Variants in SIMC1 observed in about 807,000 individuals in gnomAD.
The protein encoded by SIMC1 is SUMO-interacting motif-containing protein 1.
A neutral mutation model predicts 82.3 loss-of-function variants in SIMC1; 55 were observed. The ratio of observed to expected loss-of-function variants is 0.67; its 90% CI spans 0.54 to 0.84. The LOEUF (loss-of-function observed/expected upper bound fraction) is 0.84. SIMC1 is among the 40% of genes least tolerant of loss of function. The pLI is 0.00. For synonymous variants in SIMC1, 353 were observed against 426.3 expected (o/e 0.83, Z 2.12); for missense variants, 915 against 1,107.2 (o/e 0.83, Z 2.46).
intron 1 of SIMC1, among the ~76,000 whole-genome samples, chr5:176,284,081 C>T (rs1763146231): frequency 6.6e-6 from 1 of 152,156 alleles, no homozygotes; most frequent in Non-Finnish European, 1.5e-5. Flanking sequence ...TAATGGGAGA[C>T]TTTAACACCC....
At chr5:176,327,081 A>G (rs1209828510) in intron 7 of SIMC1, among the ~76,000 whole-genome samples, 1 of 152,168 alleles carries the variant, frequency 6.6e-6, no homozygotes, top group African/African-American at 2.4e-5. Flanking sequence ...GGAGTATTTC[A>G]TTTGGGTCCA....
chr5:176,246,703 G>T (rs1229945573), intron 1 of SIMC1, among the ~76,000 whole-genome samples: 1 of 151,906 alleles, frequency 6.6e-6, no homozygotes, highest in African/African-American at 2.4e-5. Flanking sequence ...GGTGGCTGCT[G>T]CACTTATCAA....
intron 5 of SIMC1, 132 bp from the exon 6 acceptor site, chr5:176,322,141 T>TG: frequency 2.0e-6 from 2 of 1,023,194 alleles, no homozygotes; most frequent in Non-Finnish European, 1.4e-6. Flanking sequence ...TCCAGGGATC[T>TG]GGGGGCCCAG....
chr5:176,291,159 CTTTTTTTTTTT>C (rs1173030195), intron 2 of SIMC1, among the ~76,000 whole-genome samples: 2 of 88,500 alleles, frequency 2.3e-5, no homozygotes, highest in African/African-American at 4.6e-5. Context: ...TGTCACTTTA[CTTTTTTTTTTT>C]TTTTTTTTTT....
chr5:176,272,198 A>AAAAAGG (rs1762471342), intron 1 of SIMC1, among the ~76,000 whole-genome samples: 1 of 116,860 alleles, frequency 8.6e-6, no homozygotes, highest in African/African-American at 3.0e-5. Flanking sequence ...AAAAAAAAAA[A>AAAAAGG]GGTGGGCATG....
intron 1 of SIMC1, among the ~76,000 whole-genome samples, chr5:176,258,032 T>TA (rs746245618): frequency 6.6e-6 from 1 of 152,256 alleles, no homozygotes; most frequent in Non-Finnish European, 1.5e-5. Flanking sequence ...TTAATGTCTT[T>TA]ACAATATTGT....
intron 5 of SIMC1, among the ~76,000 whole-genome samples, chr5:176,318,225 G>A (rs771192293): frequency 9.2e-5 from 14 of 152,296 alleles, no homozygotes; most frequent in Non-Finnish European, 1.6e-4. Context: ...CATCTGCCAC[G>A]CAGAAAAAGC....
chr5:176,300,289 G>A (rs1763986246), intron 4 of SIMC1, among the ~76,000 whole-genome samples: 1 of 152,060 alleles, frequency 6.6e-6, no homozygotes. Flanking sequence ...GGGAAAAAAT[G>A]AACAAAACTA....
At chr5:176,311,746 G>A (rs1373731034) in intron 4 of SIMC1, among the ~76,000 whole-genome samples, 1 of 152,164 alleles carries the variant, frequency 6.6e-6, no homozygotes, top group African/African-American at 2.4e-5. Flanking sequence ...ACTAAAAGTA[G>A]TTAGTAAACG....
intron 1 of SIMC1, among the ~76,000 whole-genome samples, chr5:176,253,001 G>A (rs536680596): frequency 2.0e-5 from 3 of 152,268 alleles, no homozygotes; most frequent in South Asian, 2.1e-4. Flanking sequence ...CCAGTCAGGC[G>A]TGGCGCGCGC....
intron 1 of SIMC1, among the ~76,000 whole-genome samples, chr5:176,280,991 G>A (rs1226270275): frequency 6.6e-6 from 1 of 152,166 alleles, no homozygotes; most frequent in Non-Finnish European, 1.5e-5. Context: ...TTGCTAGATT[G>A]GGGAAGTTCT....
chr5:176,304,093 G>A (rs2113306653), intron 4 of SIMC1, among the ~76,000 whole-genome samples: 1 of 152,278 alleles, frequency 6.6e-6, no homozygotes, highest in South Asian at 2.1e-4. Flanking sequence ...CATCAACAGA[G>A]TGAGCAATAA....
rs866779948 is a variant in SIMC1 at position 176,251,988 on chromosome 5, C to T, written c.129+13351C>T. 2.6e-3 allele frequency among the ~76,000 whole-genome samples: 388 copies of T among 151,682 alleles called. 4 individuals are homozygous for T. Among genetic ancestry groups the T allele is most frequent in the African/African-American group, 8.4e-3 (347 of 41,332 alleles). ...AGTTTCCCATGTCTACTTCTTTCTA[C>T]ACAGACACGGCAACCATCCGATTTC... is the stretch of plus-strand genomic sequence containing the variant. On this transcript the variant is annotated intron_variant, in intron 1 of 9. Coordinates refer to ENST00000429602, the MANE Select transcript of SIMC1 (RefSeq NM_001308195.2).
chr5:176,276,650 A>T (rs1461425883), intron 1 of SIMC1, among the ~76,000 whole-genome samples: 2 of 132,198 alleles, frequency 1.5e-5, no homozygotes, highest in African/African-American at 5.7e-5. Flanking sequence ...TTCTGTGTCC[A>T]TGTGATCTCA....
At chr5:176,274,759 G>C (rs1762607400) in intron 1 of SIMC1, among the ~76,000 whole-genome samples, 1 of 151,824 alleles carries the variant, frequency 6.6e-6, no homozygotes, top group Admixed American at 6.6e-5. Flanking sequence ...TTATTAACTA[G>C]GGAATCCTTT....
At chr5:176,313,577 G>C in intron 4 of SIMC1, 114 bp from the exon 5 acceptor site, 1 of 1,556,860 alleles carries the variant, frequency 6.4e-7, no homozygotes, top group Non-Finnish European at 8.8e-7. Flanking sequence ...TTAAGCACAG[G>C]CATACTTGTT....
chr5:176,315,332 A>G (rs958530651), intron 5 of SIMC1, among the ~76,000 whole-genome samples: 1 of 152,108 alleles, frequency 6.6e-6, no homozygotes, highest in Admixed American at 6.5e-5. Context: ...ATAGAGTGAG[A>G]ACTCACTCGT....
intron 5 of SIMC1, among the ~76,000 whole-genome samples, chr5:176,319,045 G>A (rs1042740777): frequency 6.6e-6 from 1 of 152,178 alleles, no homozygotes; most frequent in African/African-American, 2.4e-5. Context: ...GGTGGCAGAG[G>A]TTGCACTGAG....
At chr5:176,308,376 G>A in intron 4 of SIMC1, 1 of 1,582,412 alleles carries the variant, frequency 6.3e-7, no homozygotes, top group South Asian at 1.1e-5. Flanking sequence ...AACAGAGGCA[G>A]AGAAGTTGGC....
Sources: allele counts gnomAD v4.1 joint callset (sites outside exome capture counted in the v4.1 genomes callset), GRCh38; gene constraint gnomAD v4.1.1; transcripts MANE v1.5; gene names NCBI Gene and HGNC (gene_info 2026-07-23, HGNC 2026-07-21).